GLB1L3: variants seen among roughly 807,000 people sequenced by gnomAD.
GLB1L3 encodes galactosidase beta 1 like 3.
Under a neutral mutation model 89.5 loss-of-function variants are expected in GLB1L3, and 89 were observed. That is an observed-to-expected ratio of 0.99 (90% CI 0.84 to 1.19). The LOEUF is 1.19. Ranked by LOEUF, GLB1L3 falls within the 50% of genes most tolerant of loss-of-function variation. GLB1L3 has a pLI of 0.00. For missense variants in GLB1L3, 812 were observed against 813.3 expected (o/e 1.00, Z 0.02); for synonymous variants, 314 against 312.3 (o/e 1.01, Z -0.06).
At chr11:134,278,158 TTCTG>T (rs1360541259) in intron 3 of GLB1L3, among the ~76,000 whole-genome samples, 1 of 152,164 alleles carries the variant, frequency 6.6e-6, no homozygotes, top group Non-Finnish European at 1.5e-5. Context: ...TTCCTCAGGA[TTCTG>T]TCTGTCTAAT....
chr11:134,299,581 G>T (rs959241196), intron 9 of GLB1L3, among the ~76,000 whole-genome samples: 1 of 152,148 alleles, frequency 6.6e-6, no homozygotes, highest in East Asian at 1.9e-4. Context: ...TGCTGGTTTG[G>T]CAGAGGTTGT....
At chr11:134,287,418 T>C (rs1304961016) in intron 6 of GLB1L3, 1 of 152,230 alleles carries the variant, frequency 6.6e-6, no homozygotes, top group Admixed American at 6.5e-5. Flanking sequence ...CTTTACGGAA[T>C]TGGTTGTCAT....
intron 9 of GLB1L3, among the ~76,000 whole-genome samples, chr11:134,298,756 T>G (rs1469999140): frequency 6.6e-6 from 1 of 152,188 alleles, no homozygotes; most frequent in Non-Finnish European, 1.5e-5. Flanking sequence ...GTAAGTCCAA[T>G]TAAACCTCTT....
intron 14 of GLB1L3, 48 bp downstream of exon 14, chr11:134,312,537 C>G (rs1942786564): frequency 1.3e-6 from 2 of 1,597,640 alleles, no homozygotes; most frequent in African/African-American, 1.3e-5. Context: ...CATCACCTCC[C>G]CATGCTGTCG....
chr11:134,290,637 C>T (rs1451316717), intron 7 of GLB1L3, among the ~76,000 whole-genome samples: 2 of 151,556 alleles, frequency 1.3e-5, no homozygotes, highest in Non-Finnish European at 2.9e-5. Flanking sequence ...ACTCCACTCC[C>T]AGGCCCAGGT....
chr11:134,288,903 T>C lies in GLB1L3; in HGVS notation c.729+13T>C. 6.3e-7 allele frequency: 1 copy of C among 1,582,818 alleles called. No individual in the cohort carries two copies. Among genetic ancestry groups the C allele is most frequent in the Non-Finnish European group, 8.7e-7 (1 of 1,155,790 alleles). On this transcript the variant is annotated intron_variant, in intron 7 of 19. Coordinates refer to ENST00000431683, the MANE Select transcript of GLB1L3 (RefSeq NM_001080407.3). ...GTATCTCCACAAGGTAAGAGGGCCTTGGTTTGGCCCCATGTTTACATGCCT... is the reference window on the plus strand; with the variant it reads ...GTATCTCCACAAGGTAAGAGGGCCTCGGTTTGGCCCCATGTTTACATGCCT...
intron 14 of GLB1L3, 88 bp from the exon 15 acceptor site, chr11:134,312,728 T>C (rs1424108753): frequency 1.8e-5 from 20 of 1,138,062 alleles, no homozygotes; most frequent in Non-Finnish European, 2.3e-5. Context: ...CCTGCCTTCA[T>C]ACTGACCTCC....
chr11:134,310,086 C>T, intron 11 of GLB1L3: 1 of 419,100 alleles, frequency 2.4e-6, no homozygotes, highest in Non-Finnish European at 4.3e-6. Flanking sequence ...CCGGGCGATA[C>T]AGACTGAGCA....
chr11:134,288,770 C>G (rs761701394), intron 6 of GLB1L3, 28 bp from the exon 7 acceptor site: 1 of 1,581,108 alleles, frequency 6.3e-7, no homozygotes, highest in Non-Finnish European at 8.7e-7. Context: ...TAGCCTCACT[C>G]TTTAACCCTC....
Position 134,288,723 on chromosome 11 carries a change from G to A in GLB1L3, c.637-75G>A, listed in dbSNP as rs1463080774. ...CTGCCGCACCAGCTGTGCAGCCTTC[G>A]GCAGCAAGCTCAGAGACTCCAGGCT... On this transcript the variant is annotated intron_variant, in intron 6 of 19. Coordinates refer to ENST00000431683, the MANE Select transcript of GLB1L3 (RefSeq NM_001080407.3). The A allele has an allele frequency of 7.5e-6, 8 of 1,065,496 alleles. No homozygotes were observed. In the Admixed American group the frequency reaches 1.1e-4, roughly 15 times the overall value. The allele number at this position is 1,065,496 out of a possible 1,614,324, so 66.0% of individuals were successfully genotyped here.
intron 10 of GLB1L3, among the ~76,000 whole-genome samples, chr11:134,308,520 TGTCCAC>T (rs1565414262): frequency 4.0e-5 from 1 of 25,302 alleles, no homozygotes; most frequent in Non-Finnish European, 9.3e-5. Context: ...ACCACCACCA[TGTCCAC>T]CACCACTACC....
In GLB1L3 at chr11:134,312,863, G is replaced by C. The variant is rs199686698; in HGVS notation, c.1476G>C (p.Lys492Asn). Reference sequence around the variant, plus strand: ...TAGGGATTCTGAATGAGAATAATAAGGACCTGCACATTCCTGAACTCAGGG... The same window carrying C: ...TAGGGATTCTGAATGAGAATAATAACGACCTGCACATTCCTGAACTCAGGG... ...TMIGILNENN[K>N]DLHIPELRDC... The change falls in exon 15 of 20, where the codon AAG becomes AAC. Residue 492 changes from lysine (K) to asparagine (N), a missense_variant. Lys to Asn is a moderately conservative substitution (Grantham distance 94). Coordinates refer to ENST00000431683, the MANE Select transcript of GLB1L3 (RefSeq NM_001080407.3). 3 of 1,610,964 alleles carry C rather than the reference G, an allele frequency of 1.9e-6. No individual in the cohort carries two copies. In the East Asian group the frequency reaches 6.7e-5, roughly 36 times the overall value.
intron 6 of GLB1L3, among the ~76,000 whole-genome samples, chr11:134,287,855 C>T (rs1144230): frequency 0.45 from 67,979 of 152,070 alleles, 15,625 homozygotes; most frequent in Non-Finnish European, 0.49. Context: ...GAAAAGCTGA[C>T]AGTCATGCCT....
chr11:134,287,897 A>G (rs1427259488), intron 6 of GLB1L3, among the ~76,000 whole-genome samples: 1 of 152,294 alleles, frequency 6.6e-6, no homozygotes, highest in African/African-American at 2.4e-5. Context: ...CAGAGCCAGC[A>G]TTCTTTTGTC....
downstream of GLB1L3, among the ~76,000 whole-genome samples, chr11:134,321,350 G>A (rs1052808957): frequency 6.6e-6 from 1 of 150,592 alleles, no homozygotes; most frequent in Non-Finnish European, 1.5e-5. Context: ...GATAAATAGA[G>A]TAAGAAAAAA....
At position 134,280,504 on chromosome 11, in the gene GLB1L3, T is replaced by C. The variant is rs372732764; in HGVS notation, c.363-873T>C. Among the ~76,000 whole-genome samples the C allele has an allele frequency of 1.4e-3, 216 of 152,318 alleles. 1 individual carries two copies. The highest frequency in any genetic ancestry group is 4.9e-3 in the African/African-American group (202 of 41,566). Reference sequence around the variant, plus strand: ...AATCTGTATCCTTACAAGTTTCTTCTTTTTCTTTTTTTGCTGCTTATTTTC... The same window carrying C: ...AATCTGTATCCTTACAAGTTTCTTCCTTTTCTTTTTTTGCTGCTTATTTTC... On this transcript the variant is annotated intron_variant, in intron 3 of 19. Coordinates refer to ENST00000431683, the MANE Select transcript of GLB1L3 (RefSeq NM_001080407.3).
chr11:134,288,704 C>T (rs2136133938), intron 6 of GLB1L3, 94 bp from the exon 7 acceptor site: 3 of 817,358 alleles, frequency 3.7e-6, no homozygotes, highest in East Asian at 2.6e-5. Context: ...GAGCCTGCCG[C>T]ACCAGCTGTG....
intron 18 of GLB1L3, chr11:134,317,069 G>A (rs542021359): frequency 1.3e-5 from 2 of 152,402 alleles, no homozygotes; most frequent in East Asian, 3.9e-4. Flanking sequence ...TTGTTGCCGG[G>A]GGGAAACTTG....
At position 134,276,631 on chromosome 11, in the gene GLB1L3, T is replaced by C; in HGVS notation, c.-110T>C. 2 of 1,057,722 alleles carry C rather than the reference T, an allele frequency of 1.9e-6. No homozygotes were observed. 65.5% of individuals were successfully genotyped at this position (1,057,722 alleles called of 1,614,324 possible). On this transcript the variant is annotated 5_prime_UTR_variant, in exon 1 of 20. Coordinates refer to ENST00000431683, the MANE Select transcript of GLB1L3 (RefSeq NM_001080407.3). The stretch of plus-strand genomic sequence containing the variant: ...CGGCTGCAGGCGCAGCGCGCAGACC[T>C]GAGCCTGCCCCGCGGAACCGGGGCT...
Sources: gnomAD v4.1 joint callset for allele counts (sites outside exome capture counted in the v4.1 genomes callset) on GRCh38, gnomAD v4.1.1 for gene constraint, MANE v1.5 for transcripts, NCBI Gene and HGNC (gene_info 2026-07-23, HGNC 2026-07-21) for gene names.